ARMC3: variants seen among roughly 807,000 people sequenced by gnomAD.
ARMC3 encodes the protein armadillo repeat containing 3, also known as armadillo repeat-containing protein 3.
Under a neutral mutation model 90.3 loss-of-function variants are expected in ARMC3, and 74 were observed. That is an observed-to-expected ratio of 0.82 (90% CI 0.68 to 0.99). The LOEUF (loss-of-function observed/expected upper bound fraction) is 0.99. Among genes scored for constraint, ARMC3 ranks in the 50% least tolerant of loss-of-function variants. The pLI, the probability that ARMC3 is intolerant of heterozygous loss-of-function variation, is 0.00. For synonymous variants in ARMC3, 334 were observed against 361.8 expected (o/e 0.92, Z 0.87); for missense variants, 958 against 1,042.8 (o/e 0.92, Z 1.12).
At chr10:22,950,559 T>C (rs536308714) in intron 3 of ARMC3, among the ~76,000 whole-genome samples, 7 of 152,000 alleles carry the variant, frequency 4.6e-5, no homozygotes, top group African/African-American at 1.7e-4. Flanking sequence ...GAAGGCTGAA[T>C]ATGAAGAAAA....
At chr10:22,951,404 A>T (rs936365726) in intron 3 of ARMC3, among the ~76,000 whole-genome samples, 4 of 152,240 alleles carry the variant, frequency 2.6e-5, no homozygotes, top group African/African-American at 9.6e-5. Context: ...AGGATTTGAC[A>T]ATATCAATGA....
intron 1 of ARMC3, among the ~76,000 whole-genome samples, chr10:22,928,499 G>C (rs190368662): frequency 1.5e-4 from 23 of 151,934 alleles, no homozygotes; most frequent in Admixed American, 1.1e-3. Flanking sequence ...CAAATACAAA[G>C]GACCAATCAA....
intron 16 of ARMC3, among the ~76,000 whole-genome samples, chr10:23,012,599 CTT>C (rs1051316324): frequency 1.1e-4 from 17 of 152,244 alleles, no homozygotes; most frequent in African/African-American, 4.1e-4. Context: ...CTTCCCTGTG[CTT>C]GTTCATGTTA....
At position 22,941,376 on chromosome 10, in the gene ARMC3, T is replaced by C. The variant is rs183844518; in HGVS notation, c.49-4768T>C. 4.2e-4 allele frequency among the ~76,000 whole-genome samples: 64 copies of C among 152,226 alleles called. No homozygotes were observed. In the East Asian group the frequency reaches 5.6e-3, roughly 13 times the overall value. The stretch of plus-strand genomic sequence containing the variant: ...ATTACTGCATTGTATTACATCTAAA[T>C]TGGCCCTCTGTAAGCTGGATTCAAA... On this transcript the variant is annotated intron_variant, in intron 2 of 18. Coordinates refer to ENST00000298032, the MANE Select transcript of ARMC3 (RefSeq NM_173081.5).
At chr10:22,954,010 C>T (rs1016284210) in intron 3 of ARMC3, among the ~76,000 whole-genome samples, 18 of 152,224 alleles carry the variant, frequency 1.2e-4, no homozygotes, top group Admixed American at 1.1e-3. Context: ...CAGTTTCTCT[C>T]TACACTAGCT....
intron 10 of ARMC3, among the ~76,000 whole-genome samples, chr10:22,985,223 GT>G (rs1836366252): frequency 6.6e-6 from 1 of 151,854 alleles, no homozygotes; most frequent in Non-Finnish European, 1.5e-5. Context: ...TGATTATGCT[GT>G]TATTAAACTT....
chr10:22,945,981 C>T (rs754208776), intron 2 of ARMC3, among the ~76,000 whole-genome samples, 163 bp from the exon 3 acceptor site: 3 of 152,170 alleles, frequency 2.0e-5, no homozygotes, highest in Admixed American at 6.5e-5. Context: ...GTTTCTCTAG[C>T]GGTTGATGTA....
intron 7 of ARMC3, among the ~76,000 whole-genome samples, chr10:22,964,969 T>C (rs1378100274): frequency 1.3e-5 from 2 of 152,202 alleles, no homozygotes. Flanking sequence ...TTACATATTT[T>C]ATATCTGTGT....
Position 22,975,652 on chromosome 10 carries a change from T to G in ARMC3, c.917-5688T>G, listed in dbSNP as rs191410642. On this transcript the variant is annotated intron_variant, in intron 8 of 18. Coordinates refer to ENST00000298032, the MANE Select transcript of ARMC3 (RefSeq NM_173081.5). ...TGCATTATTTTGCATATATGATTTT[T>G]TTGCTGTATTAAGGTAGAATTTTTT... Among the ~76,000 whole-genome samples, 22 of 152,308 alleles carry G rather than the reference T, an allele frequency of 1.4e-4. No homozygotes were observed. In the East Asian group the frequency reaches 4.0e-3, roughly 28 times the overall value.
intron 8 of ARMC3, among the ~76,000 whole-genome samples, chr10:22,974,630 G>GTTTTTTTT (rs67925451): frequency 6.7e-6 from 1 of 148,796 alleles, no homozygotes; most frequent in Admixed American, 6.8e-5. Flanking sequence ...TCTAAAATCT[G>GTTTTTTTT]TTTTTTTTTG....
Position 23,002,129 on chromosome 10 carries a change from A to G in ARMC3, c.1562+74A>G, listed in dbSNP as rs1393444229. 7 of 1,531,432 alleles carry G rather than the reference A, an allele frequency of 4.6e-6. No individual in the cohort carries two copies. In the African/African-American group the frequency reaches 6.9e-5, roughly 15 times the overall value. The allele number at this position is 1,531,432 out of a possible 1,614,324, so 94.9% of individuals were successfully genotyped here. Reference sequence around the variant, plus strand: ...CGGAGAGGCACACTCTTTAGGCCCAAGGAATTTCAAGCCAAGTCTCCGCTG... The same window carrying G: ...CGGAGAGGCACACTCTTTAGGCCCAGGGAATTTCAAGCCAAGTCTCCGCTG... On this transcript the variant is annotated intron_variant, in intron 12 of 18. Transcript: ENST00000298032.
At chr10:22,941,624 A>C (rs1834332478) in intron 2 of ARMC3, among the ~76,000 whole-genome samples, 1 of 152,220 alleles carries the variant, frequency 6.6e-6, no homozygotes, top group African/African-American at 2.4e-5. Flanking sequence ...AAGCCAAAGC[A>C]CCTATTAGGG....
intron 2 of ARMC3, among the ~76,000 whole-genome samples, chr10:22,940,128 A>G (rs1277428430): frequency 6.6e-6 from 1 of 152,230 alleles, no homozygotes; most frequent in Non-Finnish European, 1.5e-5. Flanking sequence ...TGCAGCACCT[A>G]TGTTAATACC....
At chr10:22,936,222 T>G (rs943046226) in intron 2 of ARMC3, among the ~76,000 whole-genome samples, 7 of 152,162 alleles carry the variant, frequency 4.6e-5, no homozygotes, top group Non-Finnish European at 1.0e-4. Flanking sequence ...TTTGGGAGGC[T>G]GAGGCGGGAG....
chr10:22,937,955 C>T (rs926442402), intron 2 of ARMC3, among the ~76,000 whole-genome samples: 3 of 152,116 alleles, frequency 2.0e-5, no homozygotes, highest in Admixed American at 1.3e-4. Flanking sequence ...ACATCCTGGG[C>T]ATAAAGATGG....
rs548048406 is a variant in ARMC3 at position 23,011,191 on chromosome 10, G to A, written c.2045+2260G>A. Among the ~76,000 whole-genome samples, 24 of 152,132 alleles carry A rather than the reference G, an allele frequency of 1.6e-4. No homozygotes were observed. The South Asian group carries it at 3.5e-3, about 22-fold the overall frequency. On this transcript the variant is annotated intron_variant, in intron 16 of 18. Coordinates refer to ENST00000298032, the MANE Select transcript of ARMC3 (RefSeq NM_173081.5). Reference sequence around the variant, plus strand: ...TTTATTTTCATCTCCTGTATTTAGCGCAGTGCCTGGCTGGCACTCATAGGC... The same window carrying A: ...TTTATTTTCATCTCCTGTATTTAGCACAGTGCCTGGCTGGCACTCATAGGC...
chr10:22,985,795 C>A (rs770808824), intron 10 of ARMC3, among the ~76,000 whole-genome samples: 1 of 152,138 alleles, frequency 6.6e-6, no homozygotes, highest in Non-Finnish European at 1.5e-5. Flanking sequence ...AAAATATATC[C>A]TGGAAGTAAA....
At chr10:23,009,612 C>T (rs1435350037) in intron 16 of ARMC3, among the ~76,000 whole-genome samples, 1 of 152,236 alleles carries the variant, frequency 6.6e-6, no homozygotes, top group Non-Finnish European at 1.5e-5. Context: ...AATTCTCCTG[C>T]TTCAACCTCC....
intron 2 of ARMC3, among the ~76,000 whole-genome samples, chr10:22,938,199 G>A (rs1834184896): frequency 6.6e-6 from 1 of 152,064 alleles, no homozygotes; most frequent in Non-Finnish European, 1.5e-5. Flanking sequence ...TATCTGGGAG[G>A]GGACCCCAGC....
Sources: allele counts gnomAD v4.1 joint callset (sites outside exome capture counted in the v4.1 genomes callset), GRCh38; gene constraint gnomAD v4.1.1; transcripts MANE v1.5; gene names NCBI Gene and HGNC (gene_info 2026-07-23, HGNC 2026-07-21).